Variants in OTUD7B observed in about 807,000 individuals in gnomAD.
OTUD7B encodes OTU deubiquitinase 7B.
A neutral mutation model predicts 82.2 loss-of-function variants in OTUD7B; 34 were observed. The ratio of observed to expected loss-of-function variants is 0.41; its 90% CI spans 0.31 to 0.55. OTUD7B has a LOEUF of 0.55. Ranked by LOEUF, OTUD7B falls within the 20% of genes least tolerant of loss-of-function variation. The pLI is 0.20. For missense variants in OTUD7B, 944 were observed against 1,062.1 expected (o/e 0.89, Z 1.55); for synonymous variants, 398 against 402.7 (o/e 0.99, Z 0.14).
the OTUD7B span, among the ~76,000 whole-genome samples, chr1:150,020,038 G>C: frequency 4.6e-5 from 7 of 152,186 alleles, no homozygotes; most frequent in Non-Finnish European, 1.0e-4. Context: ...TGAGGAGAGA[G>C]GATCACTTGA....
intron 7 of OTUD7B, among the ~76,000 whole-genome samples, chr1:149,959,231 G>A (rs587756143): frequency 2.5e-4 from 37 of 149,658 alleles, no homozygotes; most frequent in African/African-American, 2.7e-4. Flanking sequence ...AAAAAAAAAA[G>A]AAAAAAAAGA....
intron 7 of OTUD7B, among the ~76,000 whole-genome samples, chr1:149,951,566 C>T (rs1648256165): frequency 6.6e-6 from 1 of 152,062 alleles, no homozygotes; most frequent in South Asian, 2.1e-4. Context: ...GACAAATTTG[C>T]TCCTGTCATT....
intron 1 of OTUD7B, among the ~76,000 whole-genome samples, chr1:149,984,590 C>A (rs1228798483): frequency 6.6e-6 from 1 of 152,128 alleles, no homozygotes; most frequent in Non-Finnish European, 1.5e-5. Flanking sequence ...TCATTCACAG[C>A]CCTAAGCACC....
At chr1:150,020,287 G>C in the OTUD7B span, among the ~76,000 whole-genome samples, 1 of 152,132 alleles carries the variant, frequency 6.6e-6, no homozygotes, top group Non-Finnish European at 1.5e-5. Context: ...TGTAATCCCA[G>C]CACTTTGGGA....
chr1:149,950,509 T>C (rs1648110322), intron 7 of OTUD7B, among the ~76,000 whole-genome samples: 2 of 152,176 alleles, frequency 1.3e-5, no homozygotes, highest in Admixed American at 1.3e-4. Context: ...TTCTTCCTGT[T>C]CAATAGCCTC....
At chr1:149,948,689 A>G (rs908057450) in intron 10 of OTUD7B, among the ~76,000 whole-genome samples, 2 of 152,190 alleles carry the variant, frequency 1.3e-5, no homozygotes, top group Middle Eastern at 3.4e-3. Context: ...TGATTTTCTG[A>G]TCAATGTTTT....
chr1:149,988,183 C>T (rs587601169), intron 1 of OTUD7B, among the ~76,000 whole-genome samples: 1 of 152,040 alleles, frequency 6.6e-6, no homozygotes, highest in East Asian at 1.9e-4. Flanking sequence ...ACTTTCTCCC[C>T]CTAAGTCAAA....
At chr1:150,056,497 G>A in the OTUD7B span, among the ~76,000 whole-genome samples, 1 of 152,060 alleles carries the variant, frequency 6.6e-6, no homozygotes, top group South Asian at 2.1e-4. Flanking sequence ...ATTATAGCTA[G>A]GCTAAAGACT....
chr1:150,005,645 G>A (rs587657917), intron 1 of OTUD7B, among the ~76,000 whole-genome samples: 1 of 125,482 alleles, frequency 8.0e-6, no homozygotes, highest in African/African-American at 3.1e-5. Flanking sequence ...CTTAAATGTG[G>A]ACACTTCTGC....
intron 1 of OTUD7B, among the ~76,000 whole-genome samples, chr1:149,988,806 A>G (rs1553781421): frequency 1.3e-5 from 2 of 152,162 alleles, no homozygotes; most frequent in Non-Finnish European, 2.9e-5. Context: ...AACAAATTCA[A>G]CTTTTAAAAG....
rs587710583 is a variant in OTUD7B, at chr1:150,007,180, TTTC to T, written c.-67+3265_-67+3267del. 8.5e-5 allele frequency among the ~76,000 whole-genome samples: 13 copies of T among 152,344 alleles called. No homozygotes were observed. The South Asian group carries it at 2.7e-3, about 32-fold the overall frequency. ...TCTATACTTTCTGTTTGGAAGATCC[TTTC>T]TTTTCTTTTATTCCCAACACAGTAA... On this transcript the variant is annotated intron_variant, in intron 1 of 11. Coordinates refer to ENST00000581312, the MANE Select transcript of OTUD7B (RefSeq NM_020205.4).
chr1:149,982,841 C>CTTTTTT lies in OTUD7B; in HGVS notation c.-66-5271_-66-5266dup, dbSNP rs34122678. Among the ~76,000 whole-genome samples the CTTTTTT allele has an allele frequency of 3.3e-4, 28 of 84,142 alleles. 1 individual carries two copies. Among genetic ancestry groups the CTTTTTT allele is most frequent in the African/African-American group, 4.5e-4 (9 of 19,858 alleles). The allele number at this position is 84,142 out of a possible 152,430, so 55.2% of individuals were successfully genotyped here. The stretch of plus-strand genomic sequence containing the variant: ...TCTCCTTCCAGCTTCTCCTCTCTTA[C>CTTTTTT]TTTTTTTTTTTTTTTTTTTTTTTAA... On this transcript the variant is annotated intron_variant, in intron 1 of 11. Transcript: ENST00000581312.
chr1:150,000,026 G>C (rs1652171232), intron 1 of OTUD7B, among the ~76,000 whole-genome samples: 1 of 152,168 alleles, frequency 6.6e-6, no homozygotes, highest in Non-Finnish European at 1.5e-5. Context: ...ACTTTGATTA[G>C]TTAATATAAA....
chr1:149,999,015 C>T (rs1427434775), intron 1 of OTUD7B, among the ~76,000 whole-genome samples: 1 of 152,032 alleles, frequency 6.6e-6, no homozygotes, highest in East Asian at 1.9e-4. Flanking sequence ...TCCCAAGGGG[C>T]CAGTTCTCCT....
intron 1 of OTUD7B, among the ~76,000 whole-genome samples, chr1:149,981,133 G>A (rs1317397575): frequency 6.6e-5 from 10 of 151,338 alleles, no homozygotes; most frequent in Non-Finnish European, 1.3e-4. Context: ...AGGGGGAGAA[G>A]AAGAAAAGCA....
At chr1:149,947,386 A>G (rs1216221151) in intron 10 of OTUD7B, 51 bp from the exon 11 acceptor site, 8 of 1,125,370 alleles carry the variant, frequency 7.1e-6, no homozygotes, top group Non-Finnish European at 1.1e-5. Context: ...AAGCAAAGCA[A>G]TTTGATATAG....
Position 149,968,101 on chromosome 1 carries a change from T to C in OTUD7B, c.275-580A>G, listed in dbSNP as rs587772198. Among the ~76,000 whole-genome samples, 10 of 151,964 alleles carry C rather than the reference T, an allele frequency of 6.6e-5. No homozygotes were observed. The East Asian group carries it at 1.5e-3, about 24-fold the overall frequency. The stretch of plus-strand genomic sequence containing the variant: ...CAACGTGGTGAAACACTGTCTCTAC[T>C]AAAAATACAAAAATTAGCCGGGCAT... On this transcript the variant is annotated intron_variant, in intron 3 of 11. Transcript: ENST00000581312.
chr1:149,987,256 C>G (rs1651216403), intron 1 of OTUD7B, among the ~76,000 whole-genome samples: 3 of 152,156 alleles, frequency 2.0e-5, no homozygotes, highest in Admixed American at 2.0e-4. Context: ...CATACAATGC[C>G]ACATTTTGTC....
intron 1 of OTUD7B, among the ~76,000 whole-genome samples, chr1:149,977,970 A>T (rs1369071827): frequency 2.0e-5 from 3 of 152,146 alleles, no homozygotes; most frequent in Admixed American, 6.6e-5. Context: ...AATACTCTCA[A>T]ATTATTTTAA....
Sources: gnomAD v4.1 joint callset for allele counts (sites outside exome capture counted in the v4.1 genomes callset) on GRCh38, gnomAD v4.1.1 for gene constraint, MANE v1.5 for transcripts, NCBI Gene and HGNC (gene_info 2026-07-23, HGNC 2026-07-21) for gene names.